The following PCDH9 variants were observed in gnomAD, a reference collection of about 807,000 sequenced individuals.
PCDH9 encodes protocadherin-9.
A neutral mutation model predicts 70.6 loss-of-function variants in PCDH9; 24 were observed. That is an observed-to-expected ratio of 0.34 (90% CI 0.25 to 0.48). The LOEUF is 0.48. Among genes scored for constraint, PCDH9 ranks in the 20% least tolerant of loss-of-function variants. The probability of loss-of-function intolerance (pLI) is 0.99; values close to 1 mark genes in which losing one functional copy is unlikely to be tolerated. For synonymous variants in PCDH9, 562 were observed against 558.5 expected (o/e 1.01, Z -0.09); for missense variants, 1,281 against 1,503.6 (o/e 0.85, Z 2.45).
At chr13:67,076,577 C>A (rs1474353317) in intron 2 of PCDH9, among the ~76,000 whole-genome samples, 1 of 152,070 alleles carries the variant, frequency 6.6e-6, no homozygotes, top group East Asian at 1.9e-4. Context: ...GGCTCTCTGT[C>A]AGGAAAGACT....
intron 3 of PCDH9, among the ~76,000 whole-genome samples, chr13:66,845,875 TAATA>T (rs1439229113): frequency 2.6e-5 from 4 of 152,178 alleles, no homozygotes; most frequent in African/African-American, 9.7e-5. Context: ...CTACTACTAA[TAATA>T]AATAGTTACA....
intron 4 of PCDH9, among the ~76,000 whole-genome samples, chr13:66,555,781 C>T (rs906617614): frequency 1.3e-5 from 2 of 149,736 alleles, no homozygotes; most frequent in Non-Finnish European, 3.0e-5. Context: ...TAAATTTATT[C>T]ACTGTGTTCT....
intron 3 of PCDH9, among the ~76,000 whole-genome samples, chr13:66,871,859 G>T (rs1283254551): frequency 6.6e-6 from 1 of 150,972 alleles, no homozygotes; most frequent in East Asian, 1.9e-4. Flanking sequence ...TATTCTCTTT[G>T]TCTGAAACAT....
intron 4 of PCDH9, among the ~76,000 whole-genome samples, chr13:66,473,970 T>C (rs1338033055): frequency 6.6e-6 from 1 of 152,204 alleles, no homozygotes; most frequent in Non-Finnish European, 1.5e-5. Context: ...TTGATATGTG[T>C]ATAGCAACAA....
At chr13:66,723,727 G>A in intron 3 of PCDH9, among the ~76,000 whole-genome samples, 1 of 152,120 alleles carries the variant, frequency 6.6e-6, no homozygotes, top group East Asian at 1.9e-4. Flanking sequence ...AAAAGAGAAG[G>A]GGTAAAAGGA....
chr13:66,631,000 T>C (rs2077563883), intron 4 of PCDH9, among the ~76,000 whole-genome samples: 1 of 152,134 alleles, frequency 6.6e-6, no homozygotes. Context: ...TTTTTAATGG[T>C]TCATAAAATG....
chr13:66,441,860 A>G (rs868322347), intron 4 of PCDH9, among the ~76,000 whole-genome samples: 1 of 152,158 alleles, frequency 6.6e-6, no homozygotes, highest in African/African-American at 2.4e-5. Context: ...TTTCTTCACT[A>G]GTATACAGTT....
intron 4 of PCDH9, among the ~76,000 whole-genome samples, chr13:66,420,979 C>T (rs563492352): frequency 1.3e-5 from 2 of 151,874 alleles, no homozygotes; most frequent in South Asian, 2.1e-4. Context: ...CCAGTATAGA[C>T]AAGAACATAA....
chr13:67,158,466 A>C (rs1393411467), intron 2 of PCDH9, among the ~76,000 whole-genome samples: 1 of 152,212 alleles, frequency 6.6e-6, no homozygotes, highest in African/African-American at 2.4e-5. Flanking sequence ...ATAGTATTTG[A>C]CAGTGGAACC....
intron 4 of PCDH9, among the ~76,000 whole-genome samples, chr13:66,432,040 A>G (rs139252133): frequency 1.2e-4 from 18 of 152,114 alleles, no homozygotes; most frequent in African/African-American, 4.1e-4. Flanking sequence ...TGTGTTTTTC[A>G]TGATTTGAAG....
At chr13:66,372,028 TC>T (rs1956664541) in intron 4 of PCDH9, among the ~76,000 whole-genome samples, 1 of 152,016 alleles carries the variant, frequency 6.6e-6, no homozygotes, top group South Asian at 2.1e-4. Context: ...AGAGACTCCC[TC>T]CCACTTCTTA....
chr13:66,666,169 G>A (rs913934753), intron 3 of PCDH9, among the ~76,000 whole-genome samples: 2 of 152,208 alleles, frequency 1.3e-5, no homozygotes, highest in African/African-American at 4.8e-5. Flanking sequence ...TGGCAACAGG[G>A]GCACATCCAG....
intron 3 of PCDH9, among the ~76,000 whole-genome samples, chr13:66,640,838 T>C (rs1174845863): frequency 6.6e-6 from 1 of 152,154 alleles, no homozygotes; most frequent in Non-Finnish European, 1.5e-5. Context: ...ACTGATCTTG[T>C]GTCACACAAT....
chr13:67,066,245 T>G (rs1004600808), intron 2 of PCDH9, among the ~76,000 whole-genome samples: 3 of 152,144 alleles, frequency 2.0e-5, no homozygotes, highest in Non-Finnish European at 4.4e-5. Context: ...TCAGCTTTTT[T>G]TTTTTTAGAC....
chr13:66,664,463 A>T (rs2139024061), intron 3 of PCDH9, among the ~76,000 whole-genome samples: 1 of 151,450 alleles, frequency 6.6e-6, no homozygotes, highest in Middle Eastern at 3.4e-3. Flanking sequence ...TTAAACAAAG[A>T]TTCAAACGCC....
chr13:67,181,839 T>C (rs1194146220), intron 2 of PCDH9, among the ~76,000 whole-genome samples: 1 of 152,212 alleles, frequency 6.6e-6, no homozygotes, highest in Admixed American at 6.5e-5. Flanking sequence ...TATCTTCCAA[T>C]GGTTTATTCT....
chr13:67,026,284 A>G (rs2084779379), intron 2 of PCDH9, among the ~76,000 whole-genome samples: 1 of 152,154 alleles, frequency 6.6e-6, no homozygotes, highest in African/African-American at 2.4e-5. Flanking sequence ...AATGTTCATC[A>G]AGGATATTGG....
rs182194161 is a variant in PCDH9, at chr13:66,423,582, G to A, written c.3341-118554C>T. ...ACAGAACCAATGACAAAAGCCACATGATTATCCCAAAAGATGTAGAAAAGG... is the reference window on the plus strand; with the variant it reads ...ACAGAACCAATGACAAAAGCCACATAATTATCCCAAAAGATGTAGAAAAGG... On this transcript the variant is annotated intron_variant, in intron 4 of 4. Coordinates refer to ENST00000377865, the MANE Select transcript of PCDH9 (RefSeq NM_203487.3). Among the ~76,000 whole-genome samples the A allele has an allele frequency of 2.8e-3, 431 of 152,178 alleles. 3 individuals are homozygous for A. The highest frequency in any genetic ancestry group is 9.8e-3 in the African/African-American group (408 of 41,516).
chr13:67,194,065 A>G (rs1304907934), intron 2 of PCDH9, among the ~76,000 whole-genome samples: 1 of 152,180 alleles, frequency 6.6e-6, no homozygotes. Context: ...GAAGACTATC[A>G]AAGCAAAAGC....
Sources: gnomAD v4.1 joint callset for allele counts (sites outside exome capture counted in the v4.1 genomes callset) on GRCh38, gnomAD v4.1.1 for gene constraint, MANE v1.5 for transcripts, NCBI Gene and HGNC (gene_info 2026-07-23, HGNC 2026-07-21) for gene names.